Variants in NIPBL observed in about 807,000 individuals in gnomAD.
NIPBL encodes the protein NIPBL cohesin loading factor.
NIPBL carries 19 observed loss-of-function variants against 321.8 expected under a neutral mutation model. The ratio of observed to expected loss-of-function variants is 0.06; its 90% CI spans 0.04 to 0.09. The LOEUF (loss-of-function observed/expected upper bound fraction) is 0.09. NIPBL is among the 10% of genes least tolerant of loss of function. The probability of loss-of-function intolerance (pLI) is 1.00; values close to 1 mark genes in which losing one functional copy is unlikely to be tolerated. For synonymous variants in NIPBL, 1,106 were observed against 1,114.1 expected, an observed-to-expected ratio of 0.99 and a Z score of 0.14; for missense variants, 2,210 against 3,327.0, an observed-to-expected ratio of 0.66 and a Z score of 8.26.
At chr5:36,958,258 A>C in intron 4 of NIPBL, 27 bp downstream of exon 4, 1 of 1,610,652 alleles carries the variant, frequency 6.2e-7, no homozygotes, top group Non-Finnish European at 8.5e-7. Flanking sequence ...CTGAATTCCC[A>C]TATCAAACTT....
intron 43 of NIPBL, among the ~76,000 whole-genome samples, chr5:37,057,768 C>T (rs1216305238): frequency 1.3e-5 from 2 of 152,108 alleles, no homozygotes; most frequent in Admixed American, 1.3e-4. Flanking sequence ...ACTACAGCAC[C>T]GTTATAGAGT....
Position 37,046,167 on chromosome 5 carries a change from A to G in NIPBL, c.6557A>G (p.Glu2186Gly), listed in dbSNP as rs398124469. The G allele has an allele frequency of 1.9e-6, 3 of 1,580,780 alleles. No individual in the cohort carries two copies. The highest frequency in any genetic ancestry group is 1.3e-5 in the African/African-American group (1 of 74,252). Reference sequence around the variant, plus strand: ...ATGTATTTTACAAAACACTCAGATGAAGAAGTACAAACAAAAGCTATCATT... The same window carrying G: ...ATGTATTTTACAAAACACTCAGATGGAGAAGTACAAACAAAAGCTATCATT... Reference protein sequence around the residue: ...LLMYFTKHSDEEVQTKAIIGL... With the variant: ...LLMYFTKHSDGEVQTKAIIGL... The change falls in exon 38 of 47, where the codon GAA becomes GGA. Residue 2186 changes from glutamate (E) to glycine (G), a missense_variant. This residue lies in a region of NIPBL where 40 missense variants were observed against 55.3 expected (regional missense o/e 0.72). Coordinates refer to ENST00000282516, the MANE Select transcript of NIPBL (RefSeq NM_133433.4).
chr5:36,912,801 G>A (rs1748149717), intron 1 of NIPBL, among the ~76,000 whole-genome samples: 1 of 151,990 alleles, frequency 6.6e-6, no homozygotes, highest in South Asian at 2.1e-4. Flanking sequence ...CGCCCGGTGT[G>A]TTGTTGATTT....
chr5:37,005,150 C>T (rs990890760), intron 16 of NIPBL, among the ~76,000 whole-genome samples: 7 of 152,140 alleles, frequency 4.6e-5, no homozygotes, highest in African/African-American at 1.7e-4. Flanking sequence ...ATTCTTCTTC[C>T]ACTGTGGCCC....
chr5:36,888,768 CA>C (rs1397117296), intron 1 of NIPBL, among the ~76,000 whole-genome samples: 6 of 152,032 alleles, frequency 3.9e-5, no homozygotes. Flanking sequence ...CAGTTTGAGC[CA>C]AAGGGTCTGC....
intron 3 of NIPBL, among the ~76,000 whole-genome samples, 197 bp from the exon 4 acceptor site, chr5:36,957,907 T>G (rs942866620): frequency 4.0e-5 from 6 of 150,528 alleles, no homozygotes; most frequent in Non-Finnish European, 8.9e-5. Flanking sequence ...CACTTGAACC[T>G]GGGAGACGGA....
chr5:36,943,902 G>A (rs1739379505), intron 1 of NIPBL, among the ~76,000 whole-genome samples: 1 of 152,122 alleles, frequency 6.6e-6, no homozygotes, highest in Non-Finnish European at 1.5e-5. Flanking sequence ...TATGAGGTGA[G>A]AGGCTTGCCC....
rs549832537 is a variant in NIPBL at position 37,027,519 on chromosome 5, T to A, written c.5862+107T>A. On this transcript the variant is annotated intron_variant, in intron 32 of 46. Transcript: ENST00000282516. ...TATGATTTAAAAGAACCTTTTTAGT[T>A]CTTTTGGTAGGGAAAATTTATTTCA... The A allele has an allele frequency of 6.2e-6, 5 of 810,822 alleles. No individual in the cohort carries two copies. In the South Asian group the frequency reaches 7.6e-5, roughly 12 times the overall value. 50.2% of individuals were successfully genotyped at this position (810,822 alleles called of 1,614,324 possible).
intron 1 of NIPBL, among the ~76,000 whole-genome samples, chr5:36,894,478 CATATA>C (rs550449846): frequency 6.6e-6 from 1 of 152,162 alleles, no homozygotes; most frequent in African/African-American, 2.4e-5. Flanking sequence ...TACATATATA[CATATA>C]ATATATTCGT....
intron 7 of NIPBL, chr5:36,971,698 A>G: frequency 2.1e-6 from 1 of 484,648 alleles, no homozygotes; most frequent in Non-Finnish European, 2.7e-6. Context: ...AAAGCAAACA[A>G]AAATGGAGCA....
In NIPBL at chr5:37,059,779, T is replaced by C. The variant is rs528570828; in HGVS notation, c.7685+614T>C. Among the ~76,000 whole-genome samples, 40 of 152,322 alleles carry C rather than the reference T, an allele frequency of 2.6e-4. 1 individual carries two copies. In the South Asian group the frequency reaches 8.1e-3, roughly 31 times the overall value. On this transcript the variant is annotated intron_variant, in intron 44 of 46. Transcript: ENST00000282516. ...TTACAAGTTTAAGTTTTTAAAGAGC[T>C]CTGAAGTAACAGATGTAAACCAACT...
Position 37,044,535 on chromosome 5 carries a change from ATGTAT to A in NIPBL, c.6249+50_6249+54del, listed in dbSNP as rs770233495. The A allele has an allele frequency of 1.1e-5, 18 of 1,595,904 alleles. No individual in the cohort carries two copies. The African/African-American group carries it at 2.0e-4, about 18-fold the overall frequency. The stretch of plus-strand genomic sequence containing the variant: ...CTTTATTCATTAGTGTAAAGTTCTA[ATGTAT>A]TTTATTAAAATTTTTAAAGCAAATA... On this transcript the variant is annotated intron_variant, in intron 35 of 46. Coordinates refer to ENST00000282516, the MANE Select transcript of NIPBL (RefSeq NM_133433.4).
Position 36,954,006 on chromosome 5 carries a change from C to CT in NIPBL, c.64+247dup, listed in dbSNP as rs1740682141. Among the ~76,000 whole-genome samples the CT allele has an allele frequency of 3.3e-5, 5 of 152,270 alleles. No individual in the cohort carries two copies. The South Asian group carries it at 1.0e-3, about 32-fold the overall frequency. Reference sequence around the variant, plus strand: ...GGAGGTATCAGCAGCCTATTTTACTCTAAGGACTTAAGAATTTTAAAGAAC... The same window carrying CT: ...GGAGGTATCAGCAGCCTATTTTACTCTTAAGGACTTAAGAATTTTAAAGAAC... On this transcript the variant is annotated intron_variant, in intron 2 of 46. Coordinates refer to ENST00000282516, the MANE Select transcript of NIPBL (RefSeq NM_133433.4).
At chr5:37,019,238 G>A in intron 24 of NIPBL, 73 bp from the exon 25 acceptor site, 1 of 956,922 alleles carries the variant, frequency 1.0e-6, no homozygotes, top group South Asian at 1.3e-5. Context: ...CTTCAGATTT[G>A]TGTTTACAAT....
chr5:36,975,771 TC>T lies in NIPBL; in HGVS notation c.869-4del. 6 of 1,613,400 alleles carry T rather than the reference TC, an allele frequency of 3.7e-6. No homozygotes were observed. The highest frequency in any genetic ancestry group is 5.1e-6 in the Non-Finnish European group (6 of 1,179,676). On this transcript the variant is annotated splice_region_variant and splice_polypyrimidine_tract_variant and intron_variant, in intron 8 of 46. Coordinates refer to ENST00000282516, the MANE Select transcript of NIPBL (RefSeq NM_133433.4). ...ACTGTTACTTCTATCGAATTATTTT[TC>T]TAGGCTCAAGACCACCTTTAATCCT...
chr5:37,051,434 A>T (rs1753533214), intron 40 of NIPBL: 1 of 242,394 alleles, frequency 4.1e-6, no homozygotes, highest in African/African-American at 2.3e-5. Flanking sequence ...AGGCAAATTC[A>T]GTCAAGCTTT....
intron 10 of NIPBL, among the ~76,000 whole-genome samples, chr5:36,989,470 A>T (rs1745223713): frequency 6.6e-6 from 1 of 152,172 alleles, no homozygotes; most frequent in African/African-American, 2.4e-5. Context: ...TTCAATCAGT[A>T]TGTTACATGC....
intron 9 of NIPBL, among the ~76,000 whole-genome samples, chr5:36,976,803 A>T (rs938197095): frequency 1.3e-5 from 2 of 152,148 alleles, no homozygotes; most frequent in Non-Finnish European, 2.9e-5. Context: ...GAACAGGTAC[A>T]CTTAAGAAAA....
chr5:36,986,204 G>A lies in NIPBL; in HGVS notation c.3024G>A (p.Leu1008=), dbSNP rs765421145. The change falls in exon 10 of 47, where the codon CTG becomes CTA. Residue 1008 remains leucine (L), a synonymous_variant. Coordinates refer to ENST00000282516, the MANE Select transcript of NIPBL (RefSeq NM_133433.4). The part of the protein sequence containing the change: ...GAKPVVVLQK[L]SLDDVQKLIK... Reference sequence around the variant, plus strand: ...AGCCTGTAGTTGTGCTACAAAAACTGTCTTTGGATGATGTTCAGAAACTTA... The same window carrying A: ...AGCCTGTAGTTGTGCTACAAAAACTATCTTTGGATGATGTTCAGAAACTTA... 2 of 1,604,062 alleles carry A rather than the reference G, an allele frequency of 1.2e-6. No homozygotes were observed. Among genetic ancestry groups the A allele is most frequent in the Non-Finnish European group, 8.5e-7 (1 of 1,176,552 alleles).
Sources: allele counts gnomAD v4.1 joint callset (sites outside exome capture counted in the v4.1 genomes callset), GRCh38; gene constraint gnomAD v4.1.1; regional missense constraint gnomAD v4.1.1; transcripts MANE v1.5; gene names NCBI Gene and HGNC (gene_info 2026-07-23, HGNC 2026-07-21).